The following MECOM variants were observed in gnomAD, a reference collection of about 807,000 sequenced individuals.
MECOM encodes MDS1 and EVI1 complex locus.
In MECOM, 13 loss-of-function variants were observed where a neutral mutation model predicts 116.3. The observed-to-expected ratio is 0.11, with a 90% CI of 0.07 to 0.18. The LOEUF (loss-of-function observed/expected upper bound fraction) is 0.18, where lower values mean the gene tolerates loss of function less well. MECOM is among the 10% of genes least tolerant of loss of function. The probability of loss-of-function intolerance (pLI) is 1.00; values close to 1 mark genes in which losing one functional copy is unlikely to be tolerated. For missense variants in MECOM, 1,299 were observed against 1,509.0 expected, an observed-to-expected ratio of 0.86 and a Z score of 2.31; for synonymous variants, 528 against 535.2, an observed-to-expected ratio of 0.99 and a Z score of 0.19.
At chr3:169,382,498 A>G (rs1180625062) in intron 1 of MECOM, among the ~76,000 whole-genome samples, 1 of 151,978 alleles carries the variant, frequency 6.6e-6, no homozygotes, top group African/African-American at 2.4e-5. Flanking sequence ...TGAAACTTGT[A>G]TGGGGATTTT....
intron 1 of MECOM, among the ~76,000 whole-genome samples, chr3:169,382,259 G>C (rs1560204131): frequency 6.6e-6 from 1 of 152,164 alleles, no homozygotes; most frequent in Non-Finnish European, 1.5e-5. Context: ...CAAAAAGACA[G>C]AGAATTTCCT....
intron 2 of MECOM, among the ~76,000 whole-genome samples, chr3:169,276,665 A>G (rs775943030): frequency 3.3e-5 from 5 of 152,078 alleles, no homozygotes; most frequent in African/African-American, 4.8e-5. Context: ...CACTGTTATC[A>G]GGTGATGTGT....
intron 2 of MECOM, among the ~76,000 whole-genome samples, chr3:169,248,691 G>A (rs143013474): frequency 1.0e-3 from 152 of 152,238 alleles, no homozygotes; most frequent in African/African-American, 3.2e-3. Context: ...AGCTGTTATC[G>A]TGGGCCATAA....
intron 12 of MECOM, among the ~76,000 whole-genome samples, chr3:169,100,472 A>C (rs1438184403): frequency 1.3e-5 from 2 of 152,170 alleles, no homozygotes; most frequent in Non-Finnish European, 2.9e-5. Flanking sequence ...AAAAAAGTAC[A>C]TATGGGTTAT....
At chr3:169,582,262 A>C (rs547612681) in intron 1 of MECOM, among the ~76,000 whole-genome samples, 2 of 152,238 alleles carry the variant, frequency 1.3e-5, no homozygotes, top group East Asian at 1.9e-4. Flanking sequence ...AAGAAATATA[A>C]GGAGGTTGTG....
intron 2 of MECOM, chr3:169,269,353 G>A (rs1247189452): frequency 6.8e-6 from 1 of 148,024 alleles, no homozygotes; most frequent in Non-Finnish European, 1.5e-5. Flanking sequence ...TCTGTATACA[G>A]CTTTAAAAAG....
intron 2 of MECOM, among the ~76,000 whole-genome samples, chr3:169,305,502 C>G (rs550486730): frequency 6.6e-6 from 1 of 152,216 alleles, no homozygotes; most frequent in South Asian, 2.1e-4. Flanking sequence ...AAAAAAAGAA[C>G]AAACATGGAG....
At chr3:169,542,417 C>G (rs1008526552) in intron 1 of MECOM, among the ~76,000 whole-genome samples, 4 of 151,970 alleles carry the variant, frequency 2.6e-5, no homozygotes, top group Admixed American at 2.6e-4. Flanking sequence ...TCACTGTAAA[C>G]AATGCCCTGG....
intron 2 of MECOM, among the ~76,000 whole-genome samples, chr3:169,182,462 A>G (rs531584826): frequency 2.0e-5 from 3 of 152,338 alleles, no homozygotes; most frequent in South Asian, 2.1e-4. Context: ...GTAGAGATCC[A>G]ACTTATTTAA....
At chr3:169,256,626 A>G (rs1308856972) in intron 2 of MECOM, among the ~76,000 whole-genome samples, 1 of 152,210 alleles carries the variant, frequency 6.6e-6, no homozygotes, top group Non-Finnish European at 1.5e-5. Flanking sequence ...AGTTAGTCCA[A>G]GAGGTAACAC....
At chr3:169,592,986 A>C (rs1439872697) in intron 1 of MECOM, among the ~76,000 whole-genome samples, 1 of 152,230 alleles carries the variant, frequency 6.6e-6, no homozygotes, top group Non-Finnish European at 1.5e-5. Context: ...AAAACATGAG[A>C]TACATATGCC....
intron 2 of MECOM, chr3:169,144,934 C>A: frequency 1.5e-6 from 2 of 1,375,744 alleles, no homozygotes; most frequent in East Asian, 2.4e-5. Flanking sequence ...GTACTGAGAC[C>A]AAAAGCAATT....
At chr3:169,215,707 T>C (rs1751342807) in intron 2 of MECOM, among the ~76,000 whole-genome samples, 1 of 152,204 alleles carries the variant, frequency 6.6e-6, no homozygotes, top group Non-Finnish European at 1.5e-5. Flanking sequence ...ACAATAGATT[T>C]CCTTGCTGGG....
rs550359053 is a variant in MECOM, at chr3:169,539,297, T to C, written c.37+124039A>G. Reference sequence around the variant, plus strand: ...TTGCCTGTGTATCCTCAAAAGATTTTATTAATACTAAAGAGCCCTGATTCC... The same window carrying C: ...TTGCCTGTGTATCCTCAAAAGATTTCATTAATACTAAAGAGCCCTGATTCC... On this transcript the variant is annotated intron_variant, in intron 1 of 16. Transcript: ENST00000651503. Among the ~76,000 whole-genome samples the C allele has an allele frequency of 3.9e-5, 6 of 152,298 alleles. No homozygotes were observed. The South Asian group carries it at 1.2e-3, about 32-fold the overall frequency.
At chr3:169,534,985 C>T (rs1252056011) in intron 1 of MECOM, among the ~76,000 whole-genome samples, 1 of 152,210 alleles carries the variant, frequency 6.6e-6, no homozygotes, top group Non-Finnish European at 1.5e-5. Context: ...CCAGTTCTTT[C>T]CTTTCTCTTT....
At chr3:169,200,386 T>C (rs1025570796) in intron 2 of MECOM, among the ~76,000 whole-genome samples, 10 of 152,124 alleles carry the variant, frequency 6.6e-5, no homozygotes, top group African/African-American at 2.4e-4. Flanking sequence ...ATGATAGATG[T>C]ATCCAAACTC....
chr3:169,413,901 G>A (rs994847317), intron 1 of MECOM, among the ~76,000 whole-genome samples: 4 of 152,178 alleles, frequency 2.6e-5, no homozygotes, highest in Non-Finnish European at 5.9e-5. Context: ...GAGCTTATAG[G>A]TAAAACTTCC....
At chr3:169,092,806 G>T in intron 14 of MECOM, 152 bp downstream of exon 14, 1 of 786,130 alleles carries the variant, frequency 1.3e-6, no homozygotes, top group Non-Finnish European at 2.0e-6. Flanking sequence ...ATGCTTGGAA[G>T]CATTTAATGT....
intron 2 of MECOM, among the ~76,000 whole-genome samples, chr3:169,235,816 AC>A (rs1389406059): frequency 6.6e-6 from 1 of 151,912 alleles, no homozygotes; most frequent in Non-Finnish European, 1.5e-5. Flanking sequence ...TCCCCAAATG[AC>A]AAATAATTAC....
Sources: allele counts gnomAD v4.1 joint callset (sites outside exome capture counted in the v4.1 genomes callset), GRCh38; gene constraint gnomAD v4.1.1; transcripts MANE v1.5; gene names NCBI Gene and HGNC (gene_info 2026-07-23, HGNC 2026-07-21).